Variants in KLHL32 observed in about 807,000 individuals in gnomAD.
KLHL32 encodes kelch-like protein 32.
Under a neutral mutation model 64.8 loss-of-function variants are expected in KLHL32, and 35 were observed. The observed-to-expected ratio is 0.54, with a 90% CI of 0.41 to 0.72. The LOEUF (loss-of-function observed/expected upper bound fraction) is 0.72. Ranked by LOEUF, KLHL32 falls within the 30% of genes least tolerant of loss-of-function variation. The probability of loss-of-function intolerance (pLI) is 0.00; values close to 1 mark genes in which losing one functional copy is unlikely to be tolerated. For synonymous variants in KLHL32, 259 were observed against 281.0 expected (o/e 0.92, Z 0.78); for missense variants, 589 against 768.5 (o/e 0.77, Z 2.76).
chr6:96,911,012 A>G, the KLHL32 span, among the ~76,000 whole-genome samples: 2 of 152,198 alleles, frequency 1.3e-5, no homozygotes, highest in Non-Finnish European at 2.9e-5. Context: ...ATAATAATAC[A>G]TATCTATATC....
chr6:97,019,337 A>G (rs938257145), intron 3 of KLHL32, among the ~76,000 whole-genome samples: 7 of 152,342 alleles, frequency 4.6e-5, no homozygotes, highest in Non-Finnish European at 5.9e-5. Flanking sequence ...GAAGGGAGGT[A>G]AAGAAGGCAG....
At chr6:96,940,834 AAT>A (rs772994160) in intron 1 of KLHL32, among the ~76,000 whole-genome samples, 4 of 152,244 alleles carry the variant, frequency 2.6e-5, no homozygotes, top group Non-Finnish European at 5.9e-5. Context: ...CCATGCCCTG[AAT>A]ACATTCATAG....
chr6:96,915,653 TA>T, the KLHL32 span, among the ~76,000 whole-genome samples: 107,679 of 150,078 alleles, frequency 0.72, 38,500 homozygotes, highest in South Asian at 0.78. Context: ...ATCCATGGAG[TA>T]AAAAAAAAAA....
chr6:96,909,307 A>C, the KLHL32 span, among the ~76,000 whole-genome samples: 1 of 152,180 alleles, frequency 6.6e-6, no homozygotes, highest in African/African-American at 2.4e-5. Context: ...TCAACTCCTA[A>C]AATTAACTGC....
At chr6:96,944,056 C>T (rs1771654229) in intron 1 of KLHL32, among the ~76,000 whole-genome samples, 1 of 152,158 alleles carries the variant, frequency 6.6e-6, no homozygotes, top group Non-Finnish European at 1.5e-5. Flanking sequence ...TAATTTGACC[C>T]CCAGCTGTAT....
chr6:97,053,534 C>A (rs1787291305), intron 4 of KLHL32, among the ~76,000 whole-genome samples: 1 of 151,974 alleles, frequency 6.6e-6, no homozygotes, highest in South Asian at 2.1e-4. Flanking sequence ...ATTAATAAGA[C>A]TAAAAGTAAA....
At chr6:96,960,233 T>G (rs903449614) in intron 1 of KLHL32, among the ~76,000 whole-genome samples, 8 of 152,192 alleles carry the variant, frequency 5.3e-5, no homozygotes, top group African/African-American at 1.9e-4. Context: ...GAGAAAGGCC[T>G]GCACTGCCAC....
At chr6:97,070,540 G>A (rs2128161563) in intron 5 of KLHL32, among the ~76,000 whole-genome samples, 1 of 152,258 alleles carries the variant, frequency 6.6e-6, no homozygotes, top group East Asian at 1.9e-4. Flanking sequence ...GAGGCACACT[G>A]GCTGGCCAGG....
intron 1 of KLHL32, among the ~76,000 whole-genome samples, chr6:96,936,176 G>A (rs1463860065): frequency 8.5e-5 from 13 of 152,184 alleles, no homozygotes; most frequent in Admixed American, 7.9e-4. Context: ...ATAAGAAAAT[G>A]AGATATTCCA....
intron 3 of KLHL32, among the ~76,000 whole-genome samples, chr6:96,996,125 A>AC (rs1409487098): frequency 6.6e-6 from 1 of 152,120 alleles, no homozygotes; most frequent in Non-Finnish European, 1.5e-5. Flanking sequence ...GCTGCGGGCC[A>AC]CTCTGTAGGT....
In KLHL32 at chr6:97,075,257, C is replaced by A. The variant is rs1235868346; in HGVS notation, c.412-9869C>A. 2.6e-5 allele frequency among the ~76,000 whole-genome samples: 4 copies of A among 152,206 alleles called. No homozygotes were observed. The East Asian group carries it at 7.7e-4, about 29-fold the overall frequency. The stretch of plus-strand genomic sequence containing the variant: ...TGAATTGCTGCTAATACTTTGTTTT[C>A]ATTTAATCAAATTGTATCATATACA... On this transcript the variant is annotated intron_variant, in intron 5 of 10. Transcript: ENST00000369261.
intron 1 of KLHL32, among the ~76,000 whole-genome samples, chr6:96,948,298 C>T (rs559193355): frequency 2.2e-4 from 34 of 152,080 alleles, no homozygotes; most frequent in East Asian, 3.9e-4. Flanking sequence ...TCACCTTGTA[C>T]GTCAAACTTG....
chr6:96,988,629 A>G (rs1209890731), intron 3 of KLHL32, among the ~76,000 whole-genome samples: 1 of 152,200 alleles, frequency 6.6e-6, no homozygotes, highest in Non-Finnish European at 1.5e-5. Flanking sequence ...ATTATAAATC[A>G]TGCTGCTATA....
chr6:97,012,933 A>C (rs1266456030), intron 3 of KLHL32, among the ~76,000 whole-genome samples: 1 of 152,050 alleles, frequency 6.6e-6, no homozygotes, highest in East Asian at 1.9e-4. Flanking sequence ...CTTCCTCAGC[A>C]CTCTAAGTCC....
chr6:97,104,394 T>G (rs934208525), intron 6 of KLHL32, among the ~76,000 whole-genome samples: 4 of 152,206 alleles, frequency 2.6e-5, no homozygotes, highest in Non-Finnish European at 4.4e-5. Context: ...TTAAAACATG[T>G]GTTTAAAGAT....
chr6:97,120,661 A>T (rs1370811687), intron 7 of KLHL32, among the ~76,000 whole-genome samples: 1 of 152,098 alleles, frequency 6.6e-6, no homozygotes, highest in Non-Finnish European at 1.5e-5. Context: ...TGAGGGAGAA[A>T]AGTGTGTGTT....
chr6:96,928,448 G>T (rs1769443420), intron 1 of KLHL32, among the ~76,000 whole-genome samples: 1 of 152,196 alleles, frequency 6.6e-6, no homozygotes, highest in Admixed American at 6.5e-5. Flanking sequence ...CTGCGGATGG[G>T]TGGGAGGGGA....
chr6:96,922,036 T>C (rs1268048913), upstream of KLHL32, among the ~76,000 whole-genome samples: 2 of 152,234 alleles, frequency 1.3e-5, no homozygotes, highest in Non-Finnish European at 1.5e-5. Flanking sequence ...CAGTCTTTAA[T>C]ATACCAATGT....
At chr6:97,069,028 A>AGG (rs1333278793) in intron 5 of KLHL32, among the ~76,000 whole-genome samples, 25 of 151,944 alleles carry the variant, frequency 1.6e-4, no homozygotes, top group African/African-American at 5.6e-4. Context: ...GAAACAGAGA[A>AGG]GGGGGGGGTC....
Sources: gnomAD v4.1 joint callset for allele counts (sites outside exome capture counted in the v4.1 genomes callset) on GRCh38, gnomAD v4.1.1 for gene constraint, MANE v1.5 for transcripts, NCBI Gene and HGNC (gene_info 2026-07-23, HGNC 2026-07-21) for gene names.